Variants in BANK1 observed in about 807,000 individuals in gnomAD.
BANK1 encodes B cell scaffold protein with ankyrin repeats 1, also known as B-cell scaffold protein with ankyrin repeats.
A neutral mutation model predicts 94.5 loss-of-function variants in BANK1; 95 were observed. That is an observed-to-expected ratio of 1.00 (90% CI 0.85 to 1.19). BANK1 has a LOEUF of 1.19. BANK1 is among the 50% of genes most tolerant of loss of function. The pLI is 0.00. For missense variants in BANK1, 987 were observed against 932.2 expected, an observed-to-expected ratio of 1.06 and a Z score of -0.77; for synonymous variants, 334 against 308.4, an observed-to-expected ratio of 1.08 and a Z score of -0.87.
At chr4:101,833,084 A>G (rs943958662) in intron 2 of BANK1, among the ~76,000 whole-genome samples, 11 of 151,936 alleles carry the variant, frequency 7.2e-5, no homozygotes, top group African/African-American at 2.7e-4. Flanking sequence ...GGTTCAAGCA[A>G]TTCTCCTGCC....
intron 1 of BANK1, among the ~76,000 whole-genome samples, chr4:101,816,760 A>T (rs1327154306): frequency 6.6e-6 from 1 of 152,150 alleles, no homozygotes; most frequent in Non-Finnish European, 1.5e-5. Context: ...ATTATTTCTT[A>T]CAACCAAATT....
At chr4:102,007,220 C>A (rs1726337333) in intron 7 of BANK1, among the ~76,000 whole-genome samples, 1 of 135,674 alleles carries the variant, frequency 7.4e-6, no homozygotes, top group South Asian at 2.3e-4. Flanking sequence ...GTGTTAGGTA[C>A]CTGAAAAAAA....
chr4:101,927,856 T>TA (rs1442717566), intron 7 of BANK1, among the ~76,000 whole-genome samples: 1 of 151,626 alleles, frequency 6.6e-6, no homozygotes, highest in Non-Finnish European at 1.5e-5. Flanking sequence ...GTAGAGGTTA[T>TA]AGGGAGTACC....
At chr4:101,851,287 A>G (rs1727465736) in intron 2 of BANK1, among the ~76,000 whole-genome samples, 2 of 152,214 alleles carry the variant, frequency 1.3e-5, no homozygotes, top group South Asian at 4.1e-4. Context: ...ATATGTCCTT[A>G]AGCCTTTTTC....
Position 102,073,716 on chromosome 4 carries a change from T to G in BANK1, c.2331T>G (p.Phe777Leu). The change falls in exon 16 of 17, where the codon TTT becomes TTG. Residue 777 changes from phenylalanine (F) to leucine (L), a missense_variant. Transcript: ENST00000322953. ...LPARPQVEKE[F>L]GFCCKKDH ...CTCGACCCCAAGTTGAAAAGGAATT[T>G]GGTTTCTGTTGCAAGAAAGATCATT... 1 of 1,611,956 alleles carries G rather than the reference T, an allele frequency of 6.2e-7. No homozygotes were observed. Among genetic ancestry groups the G allele is most frequent in the South Asian group, 1.1e-5 (1 of 90,688 alleles).
At chr4:101,834,192 CTA>C (rs1726736109) in intron 2 of BANK1, among the ~76,000 whole-genome samples, 1 of 152,084 alleles carries the variant, frequency 6.6e-6, no homozygotes, top group Non-Finnish European at 1.5e-5. Context: ...TGGTATTCTG[CTA>C]TGTCTTCAAA....
intron 5 of BANK1, among the ~76,000 whole-genome samples, chr4:101,877,260 A>G (rs1728525313): frequency 6.6e-6 from 1 of 152,186 alleles, no homozygotes; most frequent in African/African-American, 2.4e-5. Flanking sequence ...TTTAATTCAC[A>G]AACTCCCTAA....
intron 11 of BANK1, among the ~76,000 whole-genome samples, chr4:102,054,649 A>G (rs1728169104): frequency 6.6e-6 from 1 of 152,178 alleles, no homozygotes; most frequent in Non-Finnish European, 1.5e-5. Flanking sequence ...AGAGAAAAGC[A>G]TAATAGTTTC....
chr4:101,956,980 A>G (rs1724369158), intron 7 of BANK1, among the ~76,000 whole-genome samples: 1 of 152,178 alleles, frequency 6.6e-6, no homozygotes, highest in Admixed American at 6.5e-5. Context: ...GCTGCCGCTC[A>G]GTACAAAAAG....
intron 7 of BANK1, among the ~76,000 whole-genome samples, chr4:102,005,134 T>C (rs565300435): frequency 1.9e-4 from 29 of 152,192 alleles, no homozygotes; most frequent in African/African-American, 6.5e-4. Flanking sequence ...CTAAAATAGA[T>C]GTTCAATGGT....
At chr4:102,047,630 T>G (rs1003622326) in intron 11 of BANK1, among the ~76,000 whole-genome samples, 6 of 152,148 alleles carry the variant, frequency 3.9e-5, no homozygotes, top group Admixed American at 3.9e-4. Context: ...AGGAGATTTT[T>G]GGGAGAAAAA....
intron 7 of BANK1, among the ~76,000 whole-genome samples, chr4:101,945,590 A>G (rs1481208430): frequency 6.6e-6 from 1 of 151,980 alleles, no homozygotes; most frequent in Non-Finnish European, 1.5e-5. Flanking sequence ...ACAGAAGAAA[A>G]CAAGAAACAG....
intron 7 of BANK1, among the ~76,000 whole-genome samples, chr4:101,945,360 A>G (rs761189163): frequency 6.6e-6 from 1 of 151,740 alleles, no homozygotes; most frequent in Non-Finnish European, 1.5e-5. Flanking sequence ...AGGGGCAAAC[A>G]TTTTCTTGCA....
rs960981150 is a variant in BANK1 at position 102,020,428 on chromosome 4, A to G, written c.1207-1086A>G. 2.6e-5 allele frequency among the ~76,000 whole-genome samples: 4 copies of G among 152,222 alleles called. No individual in the cohort carries two copies. The East Asian group carries it at 7.7e-4, about 29-fold the overall frequency. On this transcript the variant is annotated intron_variant, in intron 7 of 16. Coordinates refer to ENST00000322953, the MANE Select transcript of BANK1 (RefSeq NM_017935.5). The stretch of plus-strand genomic sequence containing the variant: ...ATATAATTGAAATATAAAATGAGTT[A>G]TTGCATCAGGCTCAGTAAAAAATAC...
chr4:102,060,246 C>T lies in BANK1; in HGVS notation c.2005C>T (p.Leu669Phe). The T allele has an allele frequency of 6.2e-7, 1 of 1,602,972 alleles. No homozygotes were observed. The highest frequency in any genetic ancestry group is 8.5e-7 in the Non-Finnish European group (1 of 1,176,902). Residue 669 changes from leucine (L) to phenylalanine (F), a missense_variant, in exon 12 of 17, where the codon CTC becomes TTC. By Grantham distance (22) the Leu-to-Phe change is conservative. Transcript: ENST00000322953. ...ARIESPAFSTLRGCLTDGQEE... is the reference protein window; with the variant it reads ...ARIESPAFSTFRGCLTDGQEE... ...GATAGAGAGTCCAGCCTTTTCTACT[C>T]TCAGGGGCTGTCTAACTGATGGTCA...
chr4:101,828,340 G>A (rs980524137), intron 1 of BANK1, among the ~76,000 whole-genome samples: 2 of 149,490 alleles, frequency 1.3e-5, no homozygotes, highest in African/African-American at 4.9e-5. Context: ...GTGTATTGCA[G>A]TATAACTTAC....
intron 7 of BANK1, among the ~76,000 whole-genome samples, chr4:101,989,728 C>T (rs1227622343): frequency 1.3e-4 from 20 of 151,934 alleles, no homozygotes; most frequent in Non-Finnish European, 1.0e-4. Context: ...GGCTGTCTGA[C>T]ATTTTCCTCA....
At chr4:101,871,996 T>C (rs2148881635) in intron 5 of BANK1, among the ~76,000 whole-genome samples, 1 of 152,278 alleles carries the variant, frequency 6.6e-6, no homozygotes, top group African/African-American at 2.4e-5. Flanking sequence ...TGCTAGTTTT[T>C]AGATAAGTAG....
At chr4:101,850,135 A>G (rs1053140316) in intron 2 of BANK1, among the ~76,000 whole-genome samples, 3 of 152,230 alleles carry the variant, frequency 2.0e-5, no homozygotes, top group African/African-American at 7.2e-5. Context: ...ATACAATGTC[A>G]GTAAAAGTCT....
Sources: allele counts gnomAD v4.1 joint callset (sites outside exome capture counted in the v4.1 genomes callset), GRCh38; gene constraint gnomAD v4.1.1; transcripts MANE v1.5; gene names NCBI Gene and HGNC (gene_info 2026-07-23, HGNC 2026-07-21).